The following DISC1 variants were observed in gnomAD, a reference collection of about 807,000 sequenced individuals.
The protein encoded by DISC1 is DISC1 scaffold protein.
In DISC1, 57 loss-of-function variants were observed where a neutral mutation model predicts 84.5. That is an observed-to-expected ratio of 0.67 (90% CI 0.55 to 0.84). The LOEUF (loss-of-function observed/expected upper bound fraction) is 0.84, where lower values mean the gene tolerates loss of function less well. Ranked by LOEUF, DISC1 falls within the 40% of genes least tolerant of loss-of-function variation. DISC1 has a pLI of 0.00. For missense variants in DISC1, 1,000 were observed against 1,057.8 expected (o/e 0.95, Z 0.76); for synonymous variants, 411 against 415.2 (o/e 0.99, Z 0.12).
intron 1 of DISC1, among the ~76,000 whole-genome samples, chr1:231,648,146 A>G (rs1224092751): frequency 6.6e-6 from 1 of 152,228 alleles, no homozygotes; most frequent in African/African-American, 2.4e-5. Flanking sequence ...CCAGTTTTCA[A>G]AGGTAATGCT....
chr1:231,988,900 G>C (rs1226965257), intron 10 of DISC1, among the ~76,000 whole-genome samples: 1 of 152,192 alleles, frequency 6.6e-6, no homozygotes, highest in Non-Finnish European at 1.5e-5. Flanking sequence ...GAGCCCCCAA[G>C]TGCCATGTGC....
intron 8 of DISC1, among the ~76,000 whole-genome samples, chr1:231,804,429 T>C (rs890127307): frequency 2.0e-5 from 3 of 151,528 alleles, no homozygotes; most frequent in African/African-American, 7.3e-5. Flanking sequence ...GTACTGAGGA[T>C]GCAGTAGAGA....
chr1:231,936,219 C>T (rs2090973005), intron 9 of DISC1, among the ~76,000 whole-genome samples: 1 of 152,160 alleles, frequency 6.6e-6, no homozygotes, highest in Non-Finnish European at 1.5e-5. Context: ...TGGCCTTGAC[C>T]TTGGACATTC....
At chr1:231,894,082 G>T (rs2087473322) in intron 9 of DISC1, among the ~76,000 whole-genome samples, 1 of 152,158 alleles carries the variant, frequency 6.6e-6, no homozygotes, top group Admixed American at 6.5e-5. Context: ...TAGAAGTGTT[G>T]GGTGTGGTAT....
At chr1:231,633,772 G>T (rs148606397) in intron 1 of DISC1, among the ~76,000 whole-genome samples, 11 of 152,310 alleles carry the variant, frequency 7.2e-5, no homozygotes, top group African/African-American at 2.4e-4. Flanking sequence ...AGGTTGAAAG[G>T]TGAAATATCT....
chr1:231,772,093 G>A (rs1297556958), intron 6 of DISC1, among the ~76,000 whole-genome samples: 3 of 151,718 alleles, frequency 2.0e-5, no homozygotes, highest in African/African-American at 7.3e-5. Flanking sequence ...GGGACCACAG[G>A]CTTGGGTCAC....
At position 231,805,930 on chromosome 1, in the gene DISC1, G is replaced by T. The variant is rs572760267; in HGVS notation, c.1792+5720G>T. 2.0e-5 allele frequency among the ~76,000 whole-genome samples: 3 copies of T among 152,326 alleles called. No homozygotes were observed. The South Asian group carries it at 6.2e-4, about 32-fold the overall frequency. ...TTAGTAGAGAGAAACTTGGGCTTTGGAATCTGAGAAGTGTGTGTTCAAGTG... is the reference window on the plus strand; with the variant it reads ...TTAGTAGAGAGAAACTTGGGCTTTGTAATCTGAGAAGTGTGTGTTCAAGTG... On this transcript the variant is annotated intron_variant, in intron 8 of 12. Transcript: ENST00000439617.
intron 9 of DISC1, among the ~76,000 whole-genome samples, chr1:231,832,593 G>A (rs1345438022): frequency 6.6e-6 from 1 of 151,380 alleles, no homozygotes; most frequent in Non-Finnish European, 1.5e-5. Context: ...TACAGCCCAG[G>A]TAATTTGCTG....
chr1:231,693,846 C>T lies in DISC1; in HGVS notation c.88C>T (p.Pro30Ser). 1.2e-6 allele frequency: 2 copies of T among 1,613,866 alleles called. No individual in the cohort carries two copies. The highest frequency in any genetic ancestry group is 8.5e-7 in the Non-Finnish European group (1 of 1,180,032). Residue 30 changes from proline (P) to serine (S), a missense_variant, in exon 2 of 13, where the codon CCT becomes TCT. By Grantham distance (74) the Pro-to-Ser change is moderately conservative. Around this residue, in one of 3 missense-constraint regions of DISC1, gnomAD observed 292 missense variants for 280.2 expected, o/e 1.04. Coordinates refer to ENST00000439617, the MANE Select transcript of DISC1 (RefSeq NM_018662.3). ...HRAGSRDCLP[P>S]AACFRRRRLA... is the part of the protein sequence containing the mutation. ...CCCAGGCAGCCGGGATTGCTTACCA[C>T]CTGCAGCGTGCTTTCGGAGGCGGCG...
At position 232,009,050 on chromosome 1, in the gene DISC1, G is replaced by T. The variant is rs901170101; in HGVS notation, c.2307+1G>T. ...CTGTGCTGGAGGTGAACAGAAAGAG[G>T]TCTGTCCTTTTCACATGGCCTCCAG... On this transcript the variant is annotated splice_donor_variant, in intron 11 of 12. Coordinates refer to ENST00000439617, the MANE Select transcript of DISC1 (RefSeq NM_018662.3). LOFTEE classifies it high-confidence loss of function. The surrounding 1 kb of genome is among the most constrained non-coding windows in gnomAD (Gnocchi z 4.6). 9 of 1,613,710 alleles carry T rather than the reference G, an allele frequency of 5.6e-6. No homozygotes were observed. The highest frequency in any genetic ancestry group is 7.6e-6 in the Non-Finnish European group (9 of 1,179,802).
At chr1:231,985,336 C>CAAAAAAAAAAAA in intron 10 of DISC1, among the ~76,000 whole-genome samples, 1 of 99,710 alleles carries the variant, frequency 1.0e-5, no homozygotes, top group Non-Finnish European at 2.1e-5. Context: ...CCCCACCCAC[C>CAAAAAAAAAAAA]AAAAAAAAAA....
At chr1:231,840,161 C>A (rs1008126660) in intron 9 of DISC1, among the ~76,000 whole-genome samples, 1 of 152,122 alleles carries the variant, frequency 6.6e-6, no homozygotes, top group African/African-American at 2.4e-5. Flanking sequence ...GTGGAGCAGG[C>A]CAATTGCTCA....
intron 10 of DISC1, among the ~76,000 whole-genome samples, chr1:231,975,904 A>G (rs112074607): frequency 1.1e-3 from 161 of 152,358 alleles, no homozygotes; most frequent in Non-Finnish European, 1.6e-3. Context: ...TGGGTACCCT[A>G]GAGCCCTGAC....
chr1:231,633,824 G>C (rs2058949783), intron 1 of DISC1, among the ~76,000 whole-genome samples: 1 of 151,588 alleles, frequency 6.6e-6, no homozygotes, highest in South Asian at 2.1e-4. Flanking sequence ...TGGAATCTGA[G>C]TTGAAATTGC....
chr1:231,889,979 G>C (rs138740670), intron 9 of DISC1, among the ~76,000 whole-genome samples: 80 of 152,262 alleles, frequency 5.3e-4, no homozygotes, highest in African/African-American at 1.9e-3. Flanking sequence ...GGTTAATACC[G>C]AAGGGAGGTG....
At chr1:231,827,558 AC>A (rs1270227270) in intron 9 of DISC1, among the ~76,000 whole-genome samples, 1 of 152,190 alleles carries the variant, frequency 6.6e-6, no homozygotes, top group Admixed American at 6.5e-5. Context: ...TATGTTAACA[AC>A]CCAAGAGAGA....
At chr1:231,817,468 A>G (rs2081128710) in intron 8 of DISC1, among the ~76,000 whole-genome samples, 1 of 152,220 alleles carries the variant, frequency 6.6e-6, no homozygotes, top group Non-Finnish European at 1.5e-5. Context: ...TAAATCAATG[A>G]ATCAATGTGG....
chr1:231,657,705 C>T (rs2061227615), intron 1 of DISC1, among the ~76,000 whole-genome samples: 1 of 152,178 alleles, frequency 6.6e-6, no homozygotes, highest in Non-Finnish European at 1.5e-5. Flanking sequence ...ATATGGCTAG[C>T]CAGCTCTCTC....
intron 9 of DISC1, among the ~76,000 whole-genome samples, chr1:231,820,929 C>A (rs554620517): frequency 1.8e-4 from 27 of 152,306 alleles, no homozygotes; most frequent in African/African-American, 6.5e-4. Flanking sequence ...GAACAATTAG[C>A]AGTGTCTCTC....
Sources: allele counts gnomAD v4.1 joint callset (sites outside exome capture counted in the v4.1 genomes callset), GRCh38; gene constraint gnomAD v4.1.1; regional missense constraint gnomAD v4.1.1; non-coding constraint Gnocchi (gnomAD v3.1); transcripts MANE v1.5; gene names NCBI Gene and HGNC (gene_info 2026-07-23, HGNC 2026-07-21).